Variants in ADAMTSL3 observed in about 807,000 individuals in gnomAD.
The protein encoded by ADAMTSL3 is ADAMTS-like protein 3.
Under a neutral mutation model 201.7 loss-of-function variants are expected in ADAMTSL3, and 128 were observed. That is an observed-to-expected ratio of 0.63 (90% CI 0.55 to 0.73). ADAMTSL3 has a LOEUF of 0.73. Ranked by LOEUF, ADAMTSL3 falls within the 30% of genes least tolerant of loss-of-function variation. The pLI is 0.00. For synonymous variants in ADAMTSL3, 738 were observed against 748.4 expected (o/e 0.99, Z 0.23); for missense variants, 1,990 against 2,119.6 (o/e 0.94, Z 1.20).
At chr15:84,022,544 T>C (rs1410957404) in intron 26 of ADAMTSL3, among the ~76,000 whole-genome samples, 1 of 152,260 alleles carries the variant, frequency 6.6e-6, no homozygotes, top group Non-Finnish European at 1.5e-5. Context: ...AAATATATTT[T>C]ACATTTTTGC....
rs6145659 is a variant in ADAMTSL3, at chr15:83,872,627, C to CACACACACACACAGAG, written c.960+1669_960+1670insCACACACACACAGAGA. Among the ~76,000 whole-genome samples the CACACACACACACAGAG allele has an allele frequency of 2.7e-3, 378 of 141,018 alleles. 1 individual carries two copies. Among genetic ancestry groups the CACACACACACACAGAG allele is most frequent in the Admixed American group, 3.8e-3 (54 of 14,186 alleles). The allele number at this position is 141,018 out of a possible 152,430, so 92.5% of individuals were successfully genotyped here. A position where few individuals can be genotyped will look rare whatever the true frequency, so the allele number is the denominator to read the frequency against. ...ACACACACACACACACACACACACA[C>CACACACACACACAGAG]AGAGTTTTTGTTCTCTTTTAATTAC... is the stretch of plus-strand genomic sequence containing the variant. On this transcript the variant is annotated intron_variant, in intron 9 of 29. Coordinates refer to ENST00000286744, the MANE Select transcript of ADAMTSL3 (RefSeq NM_207517.3).
At chr15:83,839,132 C>T (rs923770834) in intron 7 of ADAMTSL3, among the ~76,000 whole-genome samples, 1 of 152,112 alleles carries the variant, frequency 6.6e-6, no homozygotes, top group African/African-American at 2.4e-5. Context: ...CTGAATACCC[C>T]CTTGTTGGTG....
At chr15:83,655,954 T>C in intron 2 of ADAMTSL3, 124 bp downstream of exon 2, 1 of 1,007,040 alleles carries the variant, frequency 9.9e-7, no homozygotes, top group East Asian at 2.6e-5. Flanking sequence ...AACCAGACTT[T>C]CTTTCCTATC....
intron 2 of ADAMTSL3, among the ~76,000 whole-genome samples, chr15:83,657,640 T>C (rs1160845860): frequency 6.6e-6 from 1 of 152,224 alleles, no homozygotes; most frequent in African/African-American, 2.4e-5. Flanking sequence ...ACATAGTAAG[T>C]GTACAATAAA....
intron 2 of ADAMTSL3, among the ~76,000 whole-genome samples, chr15:83,679,419 T>G (rs2061448783): frequency 6.6e-6 from 1 of 152,110 alleles, no homozygotes; most frequent in Non-Finnish European, 1.5e-5. Flanking sequence ...ATCCTAAACA[T>G]TTTGAGTATT....
chr15:83,830,509 A>G (rs892337274), intron 6 of ADAMTSL3, among the ~76,000 whole-genome samples: 2 of 152,226 alleles, frequency 1.3e-5, no homozygotes, highest in Admixed American at 1.3e-4. Context: ...AGTCAAGAGC[A>G]GTAAGAACTG....
At chr15:83,848,294 T>C (rs2141731170) in intron 7 of ADAMTSL3, among the ~76,000 whole-genome samples, 1 of 152,382 alleles carries the variant, frequency 6.6e-6, no homozygotes, top group Admixed American at 6.5e-5. Context: ...TAGGTTGATG[T>C]AGTTCCGGTT....
At chr15:83,903,942 A>AGGGAGGGAGG (rs1567226109) in intron 15 of ADAMTSL3, among the ~76,000 whole-genome samples, 1 of 38,114 alleles carries the variant, frequency 2.6e-5, no homozygotes, top group Non-Finnish European at 4.3e-5. Context: ...AAAAAAAAAA[A>AGGGAGGGAGG]AAGAAAAAAG....
At chr15:83,939,238 G>T (rs994064257) in intron 17 of ADAMTSL3, among the ~76,000 whole-genome samples, 2 of 151,886 alleles carry the variant, frequency 1.3e-5, no homozygotes, top group Non-Finnish European at 2.9e-5. Flanking sequence ...AATGAGTTGG[G>T]AAGTTCTTCT....
intron 3 of ADAMTSL3, among the ~76,000 whole-genome samples, chr15:83,766,329 C>T (rs1460585946): frequency 6.6e-6 from 1 of 152,184 alleles, no homozygotes; most frequent in Admixed American, 6.5e-5. Flanking sequence ...TTGAACTTAG[C>T]AAGCTCTTGG....
chr15:83,866,740 C>T (rs866687626), intron 8 of ADAMTSL3, among the ~76,000 whole-genome samples: 8 of 152,044 alleles, frequency 5.3e-5, no homozygotes, highest in Middle Eastern at 3.4e-3. Context: ...GTATGTGTAT[C>T]CTAAAACTTA....
At chr15:83,863,355 A>G (rs1419183187) in intron 8 of ADAMTSL3, among the ~76,000 whole-genome samples, 2 of 152,180 alleles carry the variant, frequency 1.3e-5, no homozygotes, top group Admixed American at 6.5e-5. Flanking sequence ...AACTGACCAC[A>G]TAGTTGGAAG....
At chr15:84,013,710 G>A (rs560251939) in intron 23 of ADAMTSL3, among the ~76,000 whole-genome samples, 1 of 152,214 alleles carries the variant, frequency 6.6e-6, no homozygotes, top group South Asian at 2.1e-4. Context: ...GGAGGTTGCA[G>A]TGAGCCAAGA....
At chr15:83,830,536 T>C (rs1596288462) in intron 6 of ADAMTSL3, among the ~76,000 whole-genome samples, 2 of 152,314 alleles carry the variant, frequency 1.3e-5, no homozygotes, top group Admixed American at 1.3e-4. Flanking sequence ...ACCCACTTCA[T>C]TTTGACTAAA....
chr15:84,034,973 G>A (rs192869783), intron 28 of ADAMTSL3, among the ~76,000 whole-genome samples: 1 of 152,292 alleles, frequency 6.6e-6, no homozygotes, highest in Non-Finnish European at 1.5e-5. Context: ...CCTGGCTCAG[G>A]TGTCTCTGTC....
At chr15:83,910,974 T>C (rs2065921817) in intron 15 of ADAMTSL3, among the ~76,000 whole-genome samples, 3 of 152,094 alleles carry the variant, frequency 2.0e-5, no homozygotes, top group African/African-American at 7.2e-5. Flanking sequence ...CCTCTCGAGA[T>C]TCTCAATCAC....
chr15:83,669,304 C>T (rs28478275), intron 2 of ADAMTSL3, among the ~76,000 whole-genome samples: 10,637 of 151,694 alleles, frequency 0.07, 426 homozygotes, highest in East Asian at 0.12. Flanking sequence ...CACCACCACG[C>T]GCGGCTAATT....
rs1239804890 is a variant in ADAMTSL3, at chr15:83,804,584, T to G, written c.318-66T>G. ...ATGCCTTGTATTTGCTTTTTTTTTT[T>G]TTTTTTAATGCTTGCCTCTTCTATG... is the stretch of plus-strand genomic sequence containing the variant. On this transcript the variant is annotated intron_variant, in intron 4 of 29. Transcript: ENST00000286744. 10 of 1,085,886 alleles carry G rather than the reference T, an allele frequency of 9.2e-6. No homozygotes were observed. The East Asian group carries it at 2.7e-4, about 30-fold the overall frequency. 67.3% of individuals were successfully genotyped at this position (1,085,886 alleles called of 1,614,324 possible). A position where few individuals can be genotyped will look rare whatever the true frequency, so the allele number is the denominator to read the frequency against.
At chr15:83,691,549 C>T (rs2061607948) in intron 2 of ADAMTSL3, among the ~76,000 whole-genome samples, 1 of 152,170 alleles carries the variant, frequency 6.6e-6, no homozygotes, top group Non-Finnish European at 1.5e-5. Flanking sequence ...GTGTGATTTT[C>T]CAAATATCTA....
Sources: allele counts gnomAD v4.1 joint callset (sites outside exome capture counted in the v4.1 genomes callset), GRCh38; gene constraint gnomAD v4.1.1; transcripts MANE v1.5; gene names NCBI Gene and HGNC (gene_info 2026-07-23, HGNC 2026-07-21).